Variants in LPIN2 observed in about 807,000 individuals in gnomAD.
LPIN2 encodes lipin 2, also known as phosphatidate phosphatase LPIN2.
In LPIN2, 55 loss-of-function variants were observed where a neutral mutation model predicts 111.4. That is an observed-to-expected ratio of 0.49 (90% CI 0.40 to 0.62). The LOEUF is 0.62. Ranked by LOEUF, LPIN2 falls within the 20% of genes least tolerant of loss-of-function variation. The pLI is 0.00. For missense variants in LPIN2, 992 were observed against 1,112.1 expected (o/e 0.89, Z 1.54); for synonymous variants, 425 against 414.0 (o/e 1.03, Z -0.32).
At chr18:2,960,562 G>C (rs2077696806) in intron 2 of LPIN2, 87 bp downstream of exon 2, 21 of 1,288,600 alleles carry the variant, frequency 1.6e-5, no homozygotes, top group Non-Finnish European at 2.4e-5. Context: ...TTTATTCATA[G>C]AGGATGACTT....
chr18:2,935,287 C>G (rs2077270613), intron 7 of LPIN2, among the ~76,000 whole-genome samples: 1 of 151,922 alleles, frequency 6.6e-6, no homozygotes, highest in Admixed American at 6.5e-5. Flanking sequence ...TTAAAAGTGG[C>G]AATGAGATGA....
intron 4 of LPIN2, among the ~76,000 whole-genome samples, chr18:2,944,446 G>C (rs1459586823): frequency 2.2e-5 from 3 of 136,858 alleles, no homozygotes; most frequent in Admixed American, 1.7e-4. Context: ...CCGCCTCTTA[G>C]GTTCACGCCA....
intron 1 of LPIN2, among the ~76,000 whole-genome samples, chr18:3,003,151 G>A (rs919225600): frequency 6.6e-6 from 1 of 152,170 alleles, no homozygotes; most frequent in African/African-American, 2.4e-5. Flanking sequence ...ATGAATTTGG[G>A]AATTCCCAAA....
Position 2,919,310 on chromosome 18 carries a change from C to T in LPIN2, c.*983G>A, listed in dbSNP as rs1317247664. The T allele has an allele frequency of 1.3e-5, 2 of 151,714 alleles. No homozygotes were observed. Among genetic ancestry groups the T allele is most frequent in the Non-Finnish European group, 1.5e-5 (1 of 67,934 alleles). The allele number at this position is 151,714 out of a possible 1,614,324, so 9.4% of individuals were successfully genotyped here. A position where few individuals can be genotyped will look rare whatever the true frequency, so the allele number is the denominator to read the frequency against. The stretch of plus-strand genomic sequence containing the variant: ...TGATCCCAAAAGCCAAAGTCACACA[C>T]TGCTGGCCAGTGCCTTTAAGCAAGC... On this transcript the variant is annotated 3_prime_UTR_variant, in exon 20 of 20. Transcript: ENST00000677752.
intron 1 of LPIN2, among the ~76,000 whole-genome samples, chr18:2,972,085 G>A (rs948168859): frequency 6.6e-6 from 1 of 151,934 alleles, no homozygotes; most frequent in Non-Finnish European, 1.5e-5. Flanking sequence ...ACAAAGAAAA[G>A]AAATCCATGG....
intron 7 of LPIN2, 149 bp downstream of exon 7, chr18:2,937,543 C>T: frequency 1.8e-6 from 1 of 561,624 alleles, no homozygotes; most frequent in East Asian, 3.2e-5. Context: ...GAAACTCCAG[C>T]TAAAAAAAAA....
At chr18:2,964,020 G>A (rs2077750423) in intron 1 of LPIN2, among the ~76,000 whole-genome samples, 1 of 151,746 alleles carries the variant, frequency 6.6e-6, no homozygotes. Flanking sequence ...AGTGGCTCAC[G>A]CCTGTAATCC....
rs541322963 is a variant in LPIN2 at position 2,946,239 on chromosome 18, T to C, written c.590+4816A>G. 1.2e-5 allele frequency: 18 copies of C among 1,563,526 alleles called. No homozygotes were observed. In the East Asian group the frequency reaches 2.9e-4, roughly 25 times the overall value. ...GGTCTTTTTATCGCGTCTACTGTCTTAGGGGCTTGAATGTGTTCCTGAAAT... is the reference window on the plus strand; with the variant it reads ...GGTCTTTTTATCGCGTCTACTGTCTCAGGGGCTTGAATGTGTTCCTGAAAT... On this transcript the variant is annotated intron_variant, in intron 4 of 19. Coordinates refer to ENST00000677752, the MANE Select transcript of LPIN2 (RefSeq NM_001375808.2).
intron 2 of LPIN2, among the ~76,000 whole-genome samples, chr18:2,958,928 CA>C (rs576986535): frequency 1.1e-3 from 147 of 137,850 alleles, no homozygotes; most frequent in Middle Eastern, 3.6e-3. Flanking sequence ...ACAATCTCAG[CA>C]AAAAAAAAAA....
At chr18:2,962,276 T>A (rs573098935) in intron 1 of LPIN2, among the ~76,000 whole-genome samples, 2 of 152,338 alleles carry the variant, frequency 1.3e-5, no homozygotes, top group African/African-American at 4.8e-5. Context: ...AAAACTAATG[T>A]TACCAAGGCC....
At chr18:2,950,719 G>A (rs180729339) in intron 4 of LPIN2, 40 of 362,264 alleles carry the variant, frequency 1.1e-4, no homozygotes, top group Admixed American at 5.4e-4. Context: ...ACTGGGTAGG[G>A]AAATCCCAGA....
Position 2,939,603 on chromosome 18 carries a change from G to A in LPIN2, c.699C>T (p.Thr233=), listed in dbSNP as rs766689905. Residue 233 remains threonine (T), a splice_region_variant and synonymous_variant, in exon 6 of 20, where the codon ACC becomes ACT. Coordinates refer to ENST00000677752, the MANE Select transcript of LPIN2 (RefSeq NM_001375808.2). The part of the protein sequence containing the change: ...LSDGDWSPLE[T]TYPQTACPKS... ...TAGGACACGCTGTCTGGGGATAGGT[G>A]CTGCAAAGAGAACAAAGACACACGA... The A allele has an allele frequency of 4.3e-6, 7 of 1,613,038 alleles. 1 individual carries two copies. The highest frequency in any genetic ancestry group is 2.2e-5 in the South Asian group (2 of 91,064).
At position 2,919,544 on chromosome 18, in the gene LPIN2, C is replaced by T. The variant is rs2077021002; in HGVS notation, c.*749G>A. The T allele has an allele frequency of 6.6e-6, 1 of 152,502 alleles. No individual in the cohort carries two copies. Among genetic ancestry groups the T allele is most frequent in the Non-Finnish European group, 1.5e-5 (1 of 68,316 alleles). 9.4% of individuals were successfully genotyped at this position (152,502 alleles called of 1,614,324 possible). On this transcript the variant is annotated 3_prime_UTR_variant, in exon 20 of 20. Transcript: ENST00000677752. ...GGCGGGGTTTGGTCTGTTTTAAGAC[C>T]CACCTTCCCACTTTTATTACAGACA...
intron 1 of LPIN2, among the ~76,000 whole-genome samples, chr18:2,965,233 T>C (rs893584134): frequency 2.6e-5 from 4 of 152,190 alleles, no homozygotes; most frequent in Non-Finnish European, 5.9e-5. Flanking sequence ...TACGCCAAAT[T>C]AGTCCTTCAT....
At chr18:2,985,860 T>A (rs1042588678) in intron 1 of LPIN2, among the ~76,000 whole-genome samples, 1 of 152,248 alleles carries the variant, frequency 6.6e-6, no homozygotes, top group Non-Finnish European at 1.5e-5. Context: ...GCTCCTGGAT[T>A]ACCAATGAAG....
At chr18:2,958,158 C>CAAAAAAAAAAAAAAAAA (rs1555678271) in intron 2 of LPIN2, among the ~76,000 whole-genome samples, 1 of 35,352 alleles carries the variant, frequency 2.8e-5, no homozygotes, top group Non-Finnish European at 5.2e-5. Context: ...AAAAAAAAAA[C>CAAAAAAAAAAAAAAAAA]AACAAAAAAA....
chr18:2,921,579 GCAAA>G lies in LPIN2; in HGVS notation c.2392_2395del (p.Phe798ProfsTer34). 6.2e-7 allele frequency: 1 copy of G among 1,614,092 alleles called. No individual in the cohort carries two copies. ...AGCATAGAAGGGCTGCTTAGACGGG[GCAAA>G]CAGATTCTTGATATCATTTAGACAC... On this transcript the variant is annotated frameshift_variant, in exon 18 of 20. Transcript: ENST00000677752. LOFTEE classifies it high-confidence loss of function.
chr18:2,919,318 C>T lies in LPIN2; in HGVS notation c.*975G>A, dbSNP rs942339840. 1 of 149,804 alleles carries T rather than the reference C, an allele frequency of 6.7e-6. No individual in the cohort carries two copies. Among genetic ancestry groups the T allele is most frequent in the African/African-American group, 2.4e-5 (1 of 40,998 alleles). The allele number at this position is 149,804 out of a possible 1,614,324, so 9.3% of individuals were successfully genotyped here. On this transcript the variant is annotated 3_prime_UTR_variant, in exon 20 of 20. Transcript: ENST00000677752. The stretch of plus-strand genomic sequence containing the variant: ...AAAGCCAAAGTCACACACTGCTGGC[C>T]AGTGCCTTTAAGCAAGCTTCACTGT...
chr18:2,988,457 A>C (rs559582726), intron 1 of LPIN2, among the ~76,000 whole-genome samples: 2 of 152,374 alleles, frequency 1.3e-5, no homozygotes, highest in Non-Finnish European at 1.5e-5. Context: ...CACTCAGTGA[A>C]TCTGCCTACT....
Sources: gnomAD v4.1 joint callset for allele counts (sites outside exome capture counted in the v4.1 genomes callset) on GRCh38, gnomAD v4.1.1 for gene constraint, MANE v1.5 for transcripts, NCBI Gene and HGNC (gene_info 2026-07-23, HGNC 2026-07-21) for gene names.